The following PACRGL variants were observed in gnomAD, a reference collection of about 807,000 sequenced individuals.
PACRGL encodes PACRG-like protein.
Under a neutral mutation model 34.5 loss-of-function variants are expected in PACRGL, and 38 were observed. That is an observed-to-expected ratio of 1.10 (90% CI 0.85 to 1.44). The LOEUF is 1.44. Ranked by LOEUF, PACRGL falls within the 40% of genes most tolerant of loss-of-function variation. The pLI is 0.00. For synonymous variants in PACRGL, 128 were observed against 100.1 expected (o/e 1.28, Z -1.66); for missense variants, 305 against 281.4 (o/e 1.08, Z -0.60).
downstream of PACRGL, among the ~76,000 whole-genome samples, chr4:20,736,372 TTC>T (rs2149281797): frequency 6.6e-6 from 1 of 152,326 alleles, no homozygotes; most frequent in African/African-American, 2.4e-5. Flanking sequence ...ATTTTAATAT[TTC>T]TGTTGCTGTT....
chr4:20,740,124 G>C (rs529638981), intron 8 of PACRGL, among the ~76,000 whole-genome samples: 101 of 152,296 alleles, frequency 6.6e-4, no homozygotes, highest in African/African-American at 2.3e-3. Context: ...GTACCTGAAA[G>C]TGACGGGGAG....
chr4:20,719,589 C>T (rs544140927), intron 7 of PACRGL, among the ~76,000 whole-genome samples: 2 of 152,312 alleles, frequency 1.3e-5, no homozygotes, highest in South Asian at 4.1e-4. Context: ...CATTATGTAT[C>T]CAGCAGTCAT....
chr4:20,724,278 C>A (rs1042979859), intron 7 of PACRGL, among the ~76,000 whole-genome samples: 1 of 152,138 alleles, frequency 6.6e-6, no homozygotes, highest in Admixed American at 6.5e-5. Flanking sequence ...TCAAGTGATT[C>A]TGAGGCTGAT....
Position 20,700,728 on chromosome 4 carries a change from C to T in PACRGL, c.-76C>T, listed in dbSNP as rs1398482627. ...GATCGTGAGCGCTTGGAGTGTACCC[C>T]TCCTTTCCTGGGGTAGAGGGTCAGT... On this transcript the variant is annotated 5_prime_UTR_variant, in exon 1 of 9. Coordinates refer to ENST00000503585, the MANE Select transcript of PACRGL (RefSeq NM_001258345.3). 2 of 152,208 alleles carry T rather than the reference C, an allele frequency of 1.3e-5. No individual in the cohort carries two copies. Among genetic ancestry groups the T allele is most frequent in the African/African-American group, 2.4e-5 (1 of 41,450 alleles). The allele number at this position is 152,208 out of a possible 1,614,324, so 9.4% of individuals were successfully genotyped here. A position where few individuals can be genotyped will look rare whatever the true frequency, so the allele number is the denominator to read the frequency against.
At position 20,704,715 on chromosome 4, in the gene PACRGL, T is replaced by C; in HGVS notation, c.108T>C (p.Val36=). ...SSTQLKHRNA[V]QGSKSSLSTS... ...CACAGTTAAAACACAGGAATGCAGT[T>C]CAGGGAAGCAAATCCTCATTGTCAA... is the stretch of plus-strand genomic sequence containing the variant. The change falls in exon 3 of 9, where the codon GTT becomes GTC. Residue 36 remains valine (V), a synonymous_variant. Coordinates refer to ENST00000503585, the MANE Select transcript of PACRGL (RefSeq NM_001258345.3). The C allele has an allele frequency of 6.2e-7, 1 of 1,614,090 alleles. No homozygotes were observed. The highest frequency in any genetic ancestry group is 8.5e-7 in the Non-Finnish European group (1 of 1,179,956).
At chr4:20,701,867 C>G (rs1732332843) in intron 1 of PACRGL, 1 of 456,258 alleles carries the variant, frequency 2.2e-6, no homozygotes, top group Non-Finnish European at 4.4e-6. Context: ...GGAGAGCCAA[C>G]TGTAATTTGT....
intron 8 of PACRGL, among the ~76,000 whole-genome samples, chr4:20,745,115 G>T (rs889874306): frequency 6.6e-6 from 1 of 152,182 alleles, no homozygotes. Flanking sequence ...TGGAGCCAAG[G>T]AGCTTTGGCC....
chr4:20,704,943 G>A (rs982536664), intron 3 of PACRGL, 129 bp downstream of exon 3: 1 of 1,042,548 alleles, frequency 9.6e-7, no homozygotes, highest in Non-Finnish European at 1.4e-6. Context: ...AGAAGGGCAT[G>A]TGGTTATTAT....
chr4:20,718,381 G>T (rs2149143233), intron 7 of PACRGL, among the ~76,000 whole-genome samples: 1 of 152,218 alleles, frequency 6.6e-6, no homozygotes, highest in East Asian at 1.9e-4. Context: ...AATAGGAGTG[G>T]TGAGAGAGGG....
At chr4:20,716,110 C>A in intron 7 of PACRGL, 1 of 1,526,250 alleles carries the variant, frequency 6.6e-7, no homozygotes, top group Non-Finnish European at 8.8e-7. Flanking sequence ...TTACTAGGAC[C>A]CTGTGCAGCT....
intron 5 of PACRGL, among the ~76,000 whole-genome samples, chr4:20,712,028 G>A (rs988824823): frequency 6.6e-6 from 1 of 152,120 alleles, no homozygotes; most frequent in South Asian, 2.1e-4. Context: ...TAAAGGAGTG[G>A]TTATAAACAT....
chr4:20,726,831 G>A (rs1321020317), intron 8 of PACRGL, among the ~76,000 whole-genome samples: 1 of 151,988 alleles, frequency 6.6e-6, no homozygotes, highest in Non-Finnish European at 1.5e-5. Context: ...CATTTATTTT[G>A]GAAAAGGCAC....
downstream of PACRGL, among the ~76,000 whole-genome samples, chr4:20,733,486 C>T (rs1748846759): frequency 6.6e-6 from 1 of 152,054 alleles, no homozygotes; most frequent in Non-Finnish European, 1.5e-5. Flanking sequence ...TAGGTTAATA[C>T]AGAGCGAATA....
chr4:20,743,638 T>C (rs1289022405), intron 8 of PACRGL, among the ~76,000 whole-genome samples: 2 of 152,142 alleles, frequency 1.3e-5, no homozygotes, highest in Non-Finnish European at 1.5e-5. Flanking sequence ...ATTAAAGACT[T>C]AAACATTAGA....
At chr4:20,760,502 A>G in the PACRGL span, among the ~76,000 whole-genome samples, 27 of 152,164 alleles carry the variant, frequency 1.8e-4, 1 homozygote, top group Admixed American at 9.8e-4. Context: ...AGAATTTTCT[A>G]TTTTCTCATT....
chr4:20,731,769 GT>G lies in PACRGL; in HGVS notation c.*4429del. Reference sequence around the variant, plus strand: ...GAATTTGGGAATCAACACAGTACATGTACAACTTTTGTATCCCCAGGGTTTC... The same window carrying G: ...GAATTTGGGAATCAACACAGTACATGACAACTTTTGTATCCCCAGGGTTTC... On this transcript the variant is annotated 3_prime_UTR_variant, in exon 9 of 9. Coordinates refer to ENST00000503585, the MANE Select transcript of PACRGL (RefSeq NM_001258345.3). The G allele has an allele frequency of 1.0e-6, 1 of 985,386 alleles. No homozygotes were observed. Among genetic ancestry groups the G allele is most frequent in the Non-Finnish European group, 1.2e-6 (1 of 829,920 alleles). 61.0% of individuals were successfully genotyped at this position (985,386 alleles called of 1,614,324 possible). A position where few individuals can be genotyped will look rare whatever the true frequency, so the allele number is the denominator to read the frequency against.
Position 20,731,695 on chromosome 4 carries a change from A to C in PACRGL, c.*4354A>C, listed in dbSNP as rs1560403111. ...TGAGTGATGCTAAGTTTTGGCAAAG[A>C]GCAATTCAAATCTCATGTATGTTTT... On this transcript the variant is annotated 3_prime_UTR_variant, in exon 9 of 9. Transcript: ENST00000503585. The C allele has an allele frequency of 1.0e-6, 1 of 985,332 alleles. No individual in the cohort carries two copies. Among genetic ancestry groups the C allele is most frequent in the Non-Finnish European group, 1.2e-6 (1 of 829,842 alleles). The allele number at this position is 985,332 out of a possible 1,614,324, so 61.0% of individuals were successfully genotyped here. A position where few individuals can be genotyped will look rare whatever the true frequency, so the allele number is the denominator to read the frequency against.
At chr4:20,734,849 A>ATGAT (rs1353010161), downstream of PACRGL, 1 of 542,952 alleles carries the variant, frequency 1.8e-6, no homozygotes, top group African/African-American at 2.0e-5. Flanking sequence ...ATTTAGCAAA[A>ATGAT]TGATTGATGT....
chr4:20,734,177 C>T (rs1560409126), downstream of PACRGL, among the ~76,000 whole-genome samples: 1 of 152,122 alleles, frequency 6.6e-6, no homozygotes, highest in Non-Finnish European at 1.5e-5. Context: ...GGTCTGTGAA[C>T]CTTGTTTCCT....
Sources: allele counts gnomAD v4.1 joint callset (sites outside exome capture counted in the v4.1 genomes callset), GRCh38; gene constraint gnomAD v4.1.1; transcripts MANE v1.5; gene names NCBI Gene and HGNC (gene_info 2026-07-23, HGNC 2026-07-21).